The following CNTLN variants were observed in gnomAD, a reference collection of about 807,000 sequenced individuals.
CNTLN encodes the protein centlein, centrosomal protein.
In CNTLN, 212 loss-of-function variants were observed where a neutral mutation model predicts 180.0. The ratio of observed to expected loss-of-function variants is 1.18; its 90% confidence interval spans 1.05 to 1.32. The LOEUF (loss-of-function observed/expected upper bound fraction) is 1.32. Ranked by LOEUF, CNTLN falls within the 40% of genes most tolerant of loss-of-function variation. CNTLN has a pLI of 0.00. For missense variants in CNTLN, 2,095 were observed against 1,610.9 expected (o/e 1.30, Z -5.14); for synonymous variants, 722 against 563.1 (o/e 1.28, Z -3.99).
At chr9:17,273,705 A>G (rs966737566) in intron 5 of CNTLN, 28 bp from the exon 6 acceptor site, 1 of 1,242,680 alleles carries the variant, frequency 8.0e-7, no homozygotes, top group Non-Finnish European at 1.1e-6. Flanking sequence ...ATTATGTTTG[A>G]TTATTGATAT....
chr9:17,417,678 G>T (rs1364279138), intron 18 of CNTLN, among the ~76,000 whole-genome samples: 2 of 151,820 alleles, frequency 1.3e-5, no homozygotes, highest in African/African-American at 4.8e-5. Context: ...GAAAAGTAGT[G>T]GTATAGTTAC....
intron 23 of CNTLN, among the ~76,000 whole-genome samples, chr9:17,483,472 G>A (rs1215813779): frequency 6.6e-6 from 1 of 152,154 alleles, no homozygotes; most frequent in Non-Finnish European, 1.5e-5. Flanking sequence ...ATATATCCTG[G>A]AGATGCAAAA....
In CNTLN at chr9:17,249,345, G is replaced by GTTTTTTTT. The variant is rs558059269; in HGVS notation, c.849+12758_849+12765dup. Among the ~76,000 whole-genome samples, 72 of 124,914 alleles carry GTTTTTTTT rather than the reference G, an allele frequency of 5.8e-4. 1 individual carries two copies. Among genetic ancestry groups the GTTTTTTTT allele is most frequent in the Non-Finnish European group, 6.0e-4 (37 of 62,184 alleles). 81.9% of individuals were successfully genotyped at this position (124,914 alleles called of 152,430 possible). A position where few individuals can be genotyped will look rare whatever the true frequency, so the allele number is the denominator to read the frequency against. ...TCTTTGATCCATTGGTTCTTTGATT[G>GTTTTTTTT]TTTTTTTTGTTTTTTTTTTTTGAGC... On this transcript the variant is annotated intron_variant, in intron 5 of 25. Coordinates refer to ENST00000380647, the MANE Select transcript of CNTLN (RefSeq NM_017738.4).
intron 2 of CNTLN, among the ~76,000 whole-genome samples, chr9:17,181,454 C>G (rs977224331): frequency 3.3e-5 from 5 of 152,182 alleles, no homozygotes; most frequent in Non-Finnish European, 1.5e-5. Flanking sequence ...CATAACTGCT[C>G]ATTGAAGCAT....
chr9:17,297,736 G>C (rs1818049266), intron 6 of CNTLN, among the ~76,000 whole-genome samples: 1 of 152,152 alleles, frequency 6.6e-6, no homozygotes, highest in African/African-American at 2.4e-5. Context: ...GTGCTTTAAG[G>C]AACTTTGGTT....
rs557648752 is a variant in CNTLN at position 17,213,486 on chromosome 9, A to T, written c.450-12717A>T. ...GTTCTGTACTTCCAACTATGTGGTC[A>T]ATTTTGGAATAAGTGCGATGTGGTG... On this transcript the variant is annotated intron_variant, in intron 2 of 25. Coordinates refer to ENST00000380647, the MANE Select transcript of CNTLN (RefSeq NM_017738.4). 2.0e-4 allele frequency among the ~76,000 whole-genome samples: 31 copies of T among 152,292 alleles called. 1 individual carries two copies. In the South Asian group the frequency reaches 5.4e-3, roughly 26 times the overall value.
intron 10 of CNTLN, among the ~76,000 whole-genome samples, chr9:17,333,924 A>T (rs1046316712): frequency 6.6e-5 from 10 of 152,208 alleles, no homozygotes; most frequent in Non-Finnish European, 1.5e-4. Context: ...ATGAGTTGCT[A>T]TCCTTCAAGA....
chr9:17,439,755 A>G (rs1207856441), intron 18 of CNTLN, among the ~76,000 whole-genome samples: 1 of 152,220 alleles, frequency 6.6e-6, no homozygotes, highest in Non-Finnish European at 1.5e-5. Flanking sequence ...TTAGGGTTAC[A>G]TTAGTTCATG....
chr9:17,484,013 C>A (rs1339733648), intron 23 of CNTLN, among the ~76,000 whole-genome samples: 1 of 152,086 alleles, frequency 6.6e-6, no homozygotes, highest in Non-Finnish European at 1.5e-5. Flanking sequence ...AAATAGCCTG[C>A]CTGCTGTAAG....
At chr9:17,438,406 G>T (rs1441412924) in intron 18 of CNTLN, among the ~76,000 whole-genome samples, 1 of 152,032 alleles carries the variant, frequency 6.6e-6, no homozygotes, top group African/African-American at 2.4e-5. Context: ...TTGCATATAG[G>T]AAGGTAAAGA....
intron 8 of CNTLN, among the ~76,000 whole-genome samples, chr9:17,329,084 A>G (rs1243378403): frequency 6.6e-6 from 1 of 152,062 alleles, no homozygotes; most frequent in East Asian, 1.9e-4. Context: ...TTATTGACGA[A>G]CACAAGTTTG....
At chr9:17,333,065 T>C (rs1435616700) in intron 10 of CNTLN, among the ~76,000 whole-genome samples, 1 of 152,144 alleles carries the variant, frequency 6.6e-6, no homozygotes, top group Admixed American at 6.5e-5. Flanking sequence ...TCTTTATATA[T>C]GATAAACATA....
At chr9:17,163,080 A>G (rs1477530279) in intron 2 of CNTLN, among the ~76,000 whole-genome samples, 3 of 152,218 alleles carry the variant, frequency 2.0e-5, no homozygotes, top group African/African-American at 7.2e-5. Context: ...GTCACATCTT[A>G]CATTGTGGTA....
At chr9:17,428,685 T>C (rs1361655441) in intron 18 of CNTLN, among the ~76,000 whole-genome samples, 1 of 152,140 alleles carries the variant, frequency 6.6e-6, no homozygotes, top group African/African-American at 2.4e-5. Context: ...AGTTAACTTG[T>C]GCATGTTTAT....
chr9:17,383,933 C>G (rs763209691), intron 13 of CNTLN, among the ~76,000 whole-genome samples: 2 of 152,030 alleles, frequency 1.3e-5, no homozygotes, highest in Non-Finnish European at 1.5e-5. Flanking sequence ...CCACCTTGCC[C>G]GGCCCGTAAC....
Position 17,313,688 on chromosome 9 carries a change from T to A in CNTLN, c.1341+4436T>A, listed in dbSNP as rs185001552. Reference sequence around the variant, plus strand: ...ACCAAATTGGAAAAAAATTTTGATGTTATTTTCGCAAATATTTTTGTTTCC... The same window carrying A: ...ACCAAATTGGAAAAAAATTTTGATGATATTTTCGCAAATATTTTTGTTTCC... On this transcript the variant is annotated intron_variant, in intron 8 of 25. Transcript: ENST00000380647. Among the ~76,000 whole-genome samples the A allele has an allele frequency of 5.1e-3, 773 of 152,332 alleles. 5 individuals are homozygous for A. The highest frequency in any genetic ancestry group is 0.018 in the African/African-American group (744 of 41,574).
At chr9:17,154,583 C>T (rs1467921802) in intron 2 of CNTLN, among the ~76,000 whole-genome samples, 1 of 152,230 alleles carries the variant, frequency 6.6e-6, no homozygotes, top group Non-Finnish European at 1.5e-5. Context: ...TTGGCCCCAA[C>T]TGGGAGATAT....
At chr9:17,448,605 G>GGGCA (rs1830591223) in intron 18 of CNTLN, 1 of 152,162 alleles carries the variant, frequency 6.6e-6, no homozygotes, top group Non-Finnish European at 1.5e-5. Flanking sequence ...TTGGTTATGA[G>GGGCA]GGCAGGAGGC....
At chr9:17,506,838 T>TAA (rs569823301), downstream of CNTLN, among the ~76,000 whole-genome samples, 1 of 152,108 alleles carries the variant, frequency 6.6e-6, no homozygotes, top group South Asian at 2.1e-4. Context: ...TTTTTCCTCT[T>TAA]AAAAAATTTT....
Sources: gnomAD v4.1 joint callset for allele counts (sites outside exome capture counted in the v4.1 genomes callset) on GRCh38, gnomAD v4.1.1 for gene constraint, MANE v1.5 for transcripts, NCBI Gene and HGNC (gene_info 2026-07-23, HGNC 2026-07-21) for gene names.